The following CHRM3 variants were observed in gnomAD, a reference collection of about 807,000 sequenced individuals.
CHRM3 encodes cholinergic receptor muscarinic 3.
Under a neutral mutation model 41.8 loss-of-function variants are expected in CHRM3, and 11 were observed. That is an observed-to-expected ratio of 0.26 (90% CI 0.17 to 0.44). The LOEUF is 0.44. Ranked by LOEUF, CHRM3 falls within the 20% of genes least tolerant of loss-of-function variation. The probability of loss-of-function intolerance (pLI) is 1.00; values close to 1 mark genes in which losing one functional copy is unlikely to be tolerated. For missense variants in CHRM3, 571 were observed against 745.4 expected (o/e 0.77, Z 2.72); for synonymous variants, 297 against 301.4 (o/e 0.99, Z 0.15).
At chr1:239,878,804 T>G (rs1010690185) in intron 6 of CHRM3, among the ~76,000 whole-genome samples, 2 of 151,982 alleles carry the variant, frequency 1.3e-5, no homozygotes, top group Admixed American at 6.6e-5. Context: ...ACAGGTCAGT[T>G]TACTCATTGC....
At chr1:239,770,725 T>G (rs1310812659) in intron 5 of CHRM3, among the ~76,000 whole-genome samples, 1 of 152,112 alleles carries the variant, frequency 6.6e-6, no homozygotes, top group Admixed American at 6.5e-5. Context: ...ATTGGTGATA[T>G]AAGGAACCAC....
At chr1:239,825,314 AC>A (rs1484325154) in intron 5 of CHRM3, among the ~76,000 whole-genome samples, 1 of 152,198 alleles carries the variant, frequency 6.6e-6, no homozygotes, top group African/African-American at 2.4e-5. Context: ...GTATTTCTCA[AC>A]TTTTATGATG....
chr1:239,647,056 C>T (rs1043303695), intron 4 of CHRM3, among the ~76,000 whole-genome samples: 1 of 152,198 alleles, frequency 6.6e-6, no homozygotes, highest in Non-Finnish European at 1.5e-5. Flanking sequence ...TGTGTCTTCA[C>T]ACTTTTTAAT....
chr1:239,904,318 C>T (rs1024224131), intron 6 of CHRM3, among the ~76,000 whole-genome samples: 1 of 152,190 alleles, frequency 6.6e-6, no homozygotes, highest in African/African-American at 2.4e-5. Context: ...CCAAATGCCA[C>T]TTATCGGCGT....
intron 3 of CHRM3, among the ~76,000 whole-genome samples, chr1:239,569,560 A>T (rs1197256855): frequency 1.3e-5 from 2 of 152,214 alleles, no homozygotes; most frequent in Non-Finnish European, 2.9e-5. Flanking sequence ...TTGGAAAGTG[A>T]TCATATCTTT....
chr1:239,433,942 T>A (rs964984420), intron 1 of CHRM3, among the ~76,000 whole-genome samples: 1 of 152,208 alleles, frequency 6.6e-6, no homozygotes, highest in African/African-American at 2.4e-5. Context: ...AGGTATCTTT[T>A]TCATATAGTG....
At chr1:239,745,518 A>C (rs1665272583) in intron 5 of CHRM3, among the ~76,000 whole-genome samples, 1 of 151,822 alleles carries the variant, frequency 6.6e-6, no homozygotes, top group Admixed American at 6.6e-5. Context: ...TTATACTTTA[A>C]GTTCTGGGGT....
chr1:239,899,402 C>T (rs940059707), intron 6 of CHRM3, among the ~76,000 whole-genome samples: 3 of 150,674 alleles, frequency 2.0e-5, no homozygotes, highest in African/African-American at 7.3e-5. Flanking sequence ...TACATATACA[C>T]ACATATACAT....
In CHRM3 at chr1:239,450,575, C is replaced by G. The variant is rs374317154; in HGVS notation, c.-520-42134C>G. On this transcript the variant is annotated intron_variant, in intron 1 of 6. Transcript: ENST00000676153. ...TTGGGGCTGCTTAAAATATTATAAG[C>G]AAAGCATGAAAACATTCTTATAAAT... 1.3e-4 allele frequency among the ~76,000 whole-genome samples: 20 copies of G among 152,202 alleles called. No homozygotes were observed. The East Asian group carries it at 2.7e-3, about 21-fold the overall frequency.
chr1:239,398,355 C>A (rs1659676318), intron 1 of CHRM3, among the ~76,000 whole-genome samples: 1 of 152,186 alleles, frequency 6.6e-6, no homozygotes, highest in African/African-American at 2.4e-5. Flanking sequence ...CCTGCCTCAG[C>A]CTCCCAAGTA....
chr1:239,580,754 G>A (rs1226276383), intron 3 of CHRM3, among the ~76,000 whole-genome samples: 2 of 141,290 alleles, frequency 1.4e-5, no homozygotes, highest in African/African-American at 5.1e-5. Context: ...TATATACAGT[G>A]TGTGTATATA....
rs370634927 is a variant in CHRM3 at position 239,634,376 on chromosome 1, C to CGAAAGAAAGAAA, written c.-250+2108_-250+2119dup. The stretch of plus-strand genomic sequence containing the variant: ...GATAGAGAGCAAAAGCAAGAACAAA[C>CGAAAGAAAGAAA]GAAAGAAAGAAAGAAAGAAAGAAAG... On this transcript the variant is annotated intron_variant, in intron 4 of 6. Coordinates refer to ENST00000676153, the MANE Select transcript of CHRM3 (RefSeq NM_001375978.1). Among the ~76,000 whole-genome samples, 493 of 135,550 alleles carry CGAAAGAAAGAAA rather than the reference C, an allele frequency of 3.6e-3. 5 individuals carry two copies. Among genetic ancestry groups the CGAAAGAAAGAAA allele is most frequent in the African/African-American group, 9.0e-3 (318 of 35,300 alleles). 88.9% of individuals were successfully genotyped at this position (135,550 alleles called of 152,430 possible). A position where few individuals can be genotyped will look rare whatever the true frequency, so the allele number is the denominator to read the frequency against.
chr1:239,635,866 A>C (rs1442851557), intron 4 of CHRM3, among the ~76,000 whole-genome samples: 1 of 152,218 alleles, frequency 6.6e-6, no homozygotes, highest in Non-Finnish European at 1.5e-5. Context: ...ATAGAGTCAG[A>C]AAATGCCCTA....
At chr1:239,531,897 G>T (rs1291980194) in intron 2 of CHRM3, among the ~76,000 whole-genome samples, 1 of 150,702 alleles carries the variant, frequency 6.6e-6, no homozygotes, top group Admixed American at 6.6e-5. Flanking sequence ...CTGACCTCGT[G>T]ATCTCCGCGC....
At chr1:239,824,012 G>A (rs1275679269) in intron 5 of CHRM3, among the ~76,000 whole-genome samples, 2 of 151,928 alleles carry the variant, frequency 1.3e-5, no homozygotes, top group South Asian at 2.1e-4. Context: ...AGGGTTCCCC[G>A]TGTGCCTGTG....
chr1:239,660,953 T>A (rs1029580574), intron 4 of CHRM3, among the ~76,000 whole-genome samples: 2 of 152,200 alleles, frequency 1.3e-5, no homozygotes, highest in Admixed American at 6.5e-5. Flanking sequence ...GCTCTATGTG[T>A]GCATTATTTC....
intron 4 of CHRM3, among the ~76,000 whole-genome samples, chr1:239,665,496 G>T (rs1196559525): frequency 1.3e-5 from 2 of 152,026 alleles, no homozygotes; most frequent in African/African-American, 4.8e-5. Flanking sequence ...TGAGGCAATT[G>T]TTACCTTTTG....
chr1:239,541,086 A>T (rs1024173567), intron 2 of CHRM3, among the ~76,000 whole-genome samples: 14 of 152,062 alleles, frequency 9.2e-5, no homozygotes, highest in African/African-American at 3.1e-4. Flanking sequence ...ATGGAAAAAA[A>T]ATTCTTAGTT....
chr1:239,769,386 A>G (rs1490762529), intron 5 of CHRM3, among the ~76,000 whole-genome samples: 13 of 152,164 alleles, frequency 8.5e-5, no homozygotes, highest in African/African-American at 3.1e-4. Context: ...CTTTAGTATC[A>G]AAGTTGCAGG....
Sources: gnomAD v4.1 joint callset for allele counts (sites outside exome capture counted in the v4.1 genomes callset) on GRCh38, gnomAD v4.1.1 for gene constraint, MANE v1.5 for transcripts, NCBI Gene and HGNC (gene_info 2026-07-23, HGNC 2026-07-21) for gene names.